Variants in ADSS1 observed in about 807,000 individuals in gnomAD.
ADSS1 encodes the protein adenylosuccinate synthetase isozyme 1.
ADSS1 carries 57 observed loss-of-function variants against 59.1 expected under a neutral mutation model. That is an observed-to-expected ratio of 0.97 (90% CI 0.78 to 1.20). ADSS1 has a LOEUF of 1.20. Ranked by LOEUF, ADSS1 falls within the 50% of genes most tolerant of loss-of-function variation. ADSS1 has a pLI of 0.00. For synonymous variants in ADSS1, 247 were observed against 249.4 expected (o/e 0.99, Z 0.09); for missense variants, 603 against 610.3 (o/e 0.99, Z 0.13).
In ADSS1 at chr14:104,739,445, C is replaced by T. The variant is rs1891249879; in HGVS notation, c.409+67C>T. The T allele has an allele frequency of 5.9e-6, 9 of 1,522,132 alleles. No individual in the cohort carries two copies. The South Asian group carries it at 9.5e-5, about 16-fold the overall frequency. The allele number at this position is 1,522,132 out of a possible 1,614,324, so 94.3% of individuals were successfully genotyped here. On this transcript the variant is annotated intron_variant, in intron 4 of 12. Transcript: ENST00000330877. The stretch of plus-strand genomic sequence containing the variant: ...CCCACCATTGCCAGCCGGCCCTGCT[C>T]CTACATGGCCACCGAGATCAGGGAA...
At chr14:104,732,871 C>G (rs1890980188) in intron 1 of ADSS1, among the ~76,000 whole-genome samples, 2 of 152,216 alleles carry the variant, frequency 1.3e-5, no homozygotes, top group African/African-American at 2.4e-5. Flanking sequence ...GAGGAATTAC[C>G]ACATATGTGC....
intron 1 of ADSS1, among the ~76,000 whole-genome samples, chr14:104,734,808 G>A (rs1272207101): frequency 6.6e-6 from 1 of 152,210 alleles, no homozygotes; most frequent in African/African-American, 2.4e-5. Context: ...CCCCGACCCA[G>A]GCCCCTGACC....
chr14:104,746,273 T>G lies in ADSS1; in HGVS notation c.1209T>G (p.Tyr403Ter). The G allele has an allele frequency of 6.2e-7, 1 of 1,613,560 alleles. No homozygotes were observed. Among genetic ancestry groups the G allele is most frequent in the Non-Finnish European group, 8.5e-7 (1 of 1,179,772 alleles). The change falls in exon 12 of 13, where the codon TAT becomes TAG. Residue 403 changes from tyrosine to a stop codon, truncating the protein, a stop_gained. Coordinates refer to ENST00000330877, the MANE Select transcript of ADSS1 (RefSeq NM_152328.5). LOFTEE classifies it high-confidence loss of function. ...QEMLQKVEVE[Y>*]ETLPGWKADT... ...TGCTTCAGAAGGTCGAAGTTGAGTA[T>G]GAAACGCTGCCTGGGTGGAAAGCAG...
At chr14:104,726,988 A>G (rs1033817124) in intron 1 of ADSS1, among the ~76,000 whole-genome samples, 1 of 152,056 alleles carries the variant, frequency 6.6e-6, no homozygotes, top group South Asian at 2.1e-4. Flanking sequence ...CCTGCTGCTG[A>G]CGCCTGCACC....
In ADSS1 at chr14:104,740,699, T is replaced by A. The variant is rs369995687; in HGVS notation, c.575T>A (p.Phe192Tyr). ...GACCTCCTGTCAGATTTTGATGAGTTTTCCTCCAGGTACCTGAGCCGTCTG... is the reference window on the plus strand; with the variant it reads ...GACCTCCTGTCAGATTTTGATGAGTATTCCTCCAGGTACCTGAGCCGTCTG... ...ICDLLSDFDEFSSRFKNLAHQ... is the reference protein window; with the variant it reads ...ICDLLSDFDEYSSRFKNLAHQ... The change falls in exon 6 of 13, where the codon TTT becomes TAT. Residue 192 changes from phenylalanine (F) to tyrosine (Y), a missense_variant. Physicochemically the swap from Phe to Tyr is conservative, Grantham distance 22 (BLOSUM62 3). Coordinates refer to ENST00000330877, the MANE Select transcript of ADSS1 (RefSeq NM_152328.5). The surrounding 1 kb of genome is among the most constrained non-coding windows in gnomAD (Gnocchi z 4.8). 6.2e-7 allele frequency: 1 copy of A among 1,613,660 alleles called. No homozygotes were observed. The highest frequency in any genetic ancestry group is 1.3e-5 in the African/African-American group (1 of 74,796).
intron 10 of ADSS1, 111 bp downstream of exon 10, chr14:104,743,302 AG>A: frequency 6.8e-7 from 1 of 1,480,956 alleles, no homozygotes; most frequent in Non-Finnish European, 9.2e-7. Context: ...TCCTTGGACA[AG>A]GTTTCCACTG....
chr14:104,726,799 G>A (rs1217326085), intron 1 of ADSS1, among the ~76,000 whole-genome samples: 1 of 152,234 alleles, frequency 6.6e-6, no homozygotes, highest in Non-Finnish European at 1.5e-5. Context: ...GGCAGAGCGG[G>A]CTGGGCCGCA....
chr14:104,732,052 C>G (rs963126429), intron 1 of ADSS1, among the ~76,000 whole-genome samples: 1 of 152,206 alleles, frequency 6.6e-6, no homozygotes, highest in African/African-American at 2.4e-5. Context: ...CTGGCGTCCA[C>G]CTGCAGCCCA....
chr14:104,739,806 G>T lies in ADSS1; in HGVS notation c.466G>T (p.Glu156Ter). 1 of 1,613,886 alleles carries T rather than the reference G, an allele frequency of 6.2e-7. No individual in the cohort carries two copies. Among genetic ancestry groups the T allele is most frequent in the Non-Finnish European group, 8.5e-7 (1 of 1,179,998 alleles). Residue 156 changes from glutamate to a stop codon, truncating the protein, a stop_gained, in exon 5 of 13, where the codon GAG becomes TAG. Transcript: ENST00000330877. LOFTEE classifies it high-confidence loss of function. ...TCAGGAAGTGCAGCGCCAGGCACAA[G>T]AGGGGAAGAAGTAAGTCTGCCGGGA... ...GLQEVQRQAQ[E>*]GKNIGTTKKG...
intron 1 of ADSS1, among the ~76,000 whole-genome samples, chr14:104,732,593 GC>G (rs987333723): frequency 5.9e-5 from 9 of 152,228 alleles, no homozygotes; most frequent in African/African-American, 2.2e-4. Flanking sequence ...GCCTGTGTTT[GC>G]CCCCAACAGA....
intron 1 of ADSS1, among the ~76,000 whole-genome samples, chr14:104,728,678 T>C (rs1275530295): frequency 6.6e-6 from 1 of 152,076 alleles, no homozygotes; most frequent in Non-Finnish European, 1.5e-5. Context: ...TGCCAAGAGG[T>C]TGGGCCCAGG....
At chr14:104,738,487 G>A in intron 3 of ADSS1, 49 bp downstream of exon 3, 1 of 1,601,066 alleles carries the variant, frequency 6.2e-7, no homozygotes, top group South Asian at 1.1e-5. Flanking sequence ...GCGGTGCCCT[G>A]AGCGGTTGTT....
At chr14:104,745,159 G>A in intron 11 of ADSS1, 1 of 465,786 alleles carries the variant, frequency 2.1e-6, no homozygotes, top group Non-Finnish European at 3.9e-6. Context: ...AATGGCTCAG[G>A]GGGACAGACT....
At chr14:104,742,222 C>T (rs955440781) in intron 9 of ADSS1, among the ~76,000 whole-genome samples, 15 of 152,360 alleles carry the variant, frequency 9.8e-5, no homozygotes, top group African/African-American at 3.4e-4. Context: ...TGAGCTCACA[C>T]GGGGTGCGCA....
At chr14:104,725,244 A>G (rs1286761173) in intron 1 of ADSS1, among the ~76,000 whole-genome samples, 1 of 150,780 alleles carries the variant, frequency 6.6e-6, no homozygotes, top group South Asian at 2.1e-4. Context: ...CACACTGGGC[A>G]CTCTCTCGGG....
At chr14:104,739,478 A>G (rs1273021370) in intron 4 of ADSS1, 100 bp downstream of exon 4, 1 of 1,349,118 alleles carries the variant, frequency 7.4e-7, no homozygotes, top group East Asian at 2.5e-5. Context: ...GAAGTCCCCA[A>G]GGCCTTCTTG....
chr14:104,742,919 C>G, intron 9 of ADSS1, 148 bp from the exon 10 acceptor site: 1 of 1,206,096 alleles, frequency 8.3e-7, no homozygotes. Flanking sequence ...GTGGGGATGT[C>G]CGGGAGCTGG....
At position 104,739,481 on chromosome 14, in the gene ADSS1, C is replaced by T. The variant is rs1027488127; in HGVS notation, c.409+103C>T. ...ACCGAGATCAGGGAAGTCCCCAAGGCCTTCTTGCTCCACATGGCTCCATTA... is the reference window on the plus strand; with the variant it reads ...ACCGAGATCAGGGAAGTCCCCAAGGTCTTCTTGCTCCACATGGCTCCATTA... On this transcript the variant is annotated intron_variant, in intron 4 of 12. Transcript: ENST00000330877. 5.4e-6 allele frequency: 7 copies of T among 1,292,288 alleles called. No individual in the cohort carries two copies. The African/African-American group carries it at 8.8e-5, about 16-fold the overall frequency. The allele number at this position is 1,292,288 out of a possible 1,614,324, so 80.1% of individuals were successfully genotyped here.
chr14:104,725,359 G>C (rs1048599703), intron 1 of ADSS1, among the ~76,000 whole-genome samples: 1 of 152,204 alleles, frequency 6.6e-6, no homozygotes, highest in African/African-American at 2.4e-5. Context: ...GGATGCACGC[G>C]TCTGGGGTTT....
Sources: gnomAD v4.1 joint callset for allele counts (sites outside exome capture counted in the v4.1 genomes callset) on GRCh38, gnomAD v4.1.1 for gene constraint, Gnocchi (gnomAD v3.1) non-coding constraint, MANE v1.5 for transcripts, NCBI Gene and HGNC (gene_info 2026-07-23, HGNC 2026-07-21) for gene names.